Variants in DLC1 observed in about 807,000 individuals in gnomAD.
DLC1 encodes DLC1 Rho GTPase activating protein, also known as rho GTPase-activating protein 7.
A neutral mutation model predicts 140.3 loss-of-function variants in DLC1; 54 were observed. The observed-to-expected ratio is 0.38, with a 90% CI of 0.31 to 0.48. DLC1 has a LOEUF of 0.48. Among genes scored for constraint, DLC1 ranks in the 20% least tolerant of loss-of-function variants. The pLI is 0.96. For synonymous variants in DLC1, 986 were observed against 728.1 expected (o/e 1.35, Z -5.70); for missense variants, 2,536 against 1,907.0 (o/e 1.33, Z -6.14).
At chr8:13,580,961 A>G (rs1255270789) in intron 1 of DLC1, among the ~76,000 whole-genome samples, 1 of 152,202 alleles carries the variant, frequency 6.6e-6, no homozygotes, top group African/African-American at 2.4e-5. Flanking sequence ...GCTTCCCACC[A>G]GTACTGAACT....
intron 4 of DLC1, among the ~76,000 whole-genome samples, chr8:13,357,011 G>A (rs1834972122): frequency 6.6e-6 from 1 of 151,900 alleles, no homozygotes; most frequent in South Asian, 2.1e-4. Flanking sequence ...ATTCACGCCT[G>A]TAATCCCAAC....
intron 5 of DLC1, among the ~76,000 whole-genome samples, chr8:13,164,296 C>CA (rs34355120): frequency 0.55 from 81,618 of 147,734 alleles, 22,906 homozygotes; most frequent in East Asian, 0.82. Flanking sequence ...AGACTTCTCT[C>CA]AAAAAAAAAA....
chr8:13,526,652 C>T (rs759328163), intron 1 of DLC1, among the ~76,000 whole-genome samples: 4 of 152,074 alleles, frequency 2.6e-5, no homozygotes, highest in Non-Finnish European at 5.9e-5. Context: ...AAACATCATT[C>T]TGAGCAAACT....
chr8:13,394,007 C>T (rs1284678313), intron 3 of DLC1, among the ~76,000 whole-genome samples: 1 of 142,452 alleles, frequency 7.0e-6, no homozygotes, highest in Admixed American at 7.2e-5. Flanking sequence ...AAGGCAGAAG[C>T]CCACAGCCAC....
At chr8:13,198,327 A>G (rs1412314952) in intron 5 of DLC1, among the ~76,000 whole-genome samples, 1 of 152,152 alleles carries the variant, frequency 6.6e-6, no homozygotes, top group African/African-American at 2.4e-5. Context: ...TTTGTTTTGA[A>G]TTGGTACCAT....
rs76939408 is a variant in DLC1 at position 13,434,969 on chromosome 8, C to G, written c.1024-33350G>C. 4.3e-3 allele frequency among the ~76,000 whole-genome samples: 660 copies of G among 152,058 alleles called. 2 individuals are homozygous for G. Among genetic ancestry groups the G allele is most frequent in the African/African-American group, 0.015 (628 of 41,464 alleles). On this transcript the variant is annotated intron_variant, in intron 2 of 17. Transcript: ENST00000276297. Reference sequence around the variant, plus strand: ...TGCTGGGATTACAGGCGTGACCCCCCCCGGCTCACCCTCAAGCCTTATTAT... The same window carrying G: ...TGCTGGGATTACAGGCGTGACCCCCGCCGGCTCACCCTCAAGCCTTATTAT...
intron 2 of DLC1, among the ~76,000 whole-genome samples, chr8:13,428,280 T>C (rs1838690114): frequency 2.0e-5 from 3 of 151,748 alleles, no homozygotes; most frequent in African/African-American, 4.9e-5. Flanking sequence ...CAAGCATACA[T>C]GTGGGTTTAT....
intron 5 of DLC1, among the ~76,000 whole-genome samples, chr8:13,176,754 T>C (rs1825781522): frequency 1.3e-5 from 2 of 152,178 alleles, no homozygotes; most frequent in South Asian, 4.1e-4. Context: ...GCAGATAGAA[T>C]TAAATTTGCT....
At chr8:13,164,407 C>T (rs1476360662) in intron 5 of DLC1, among the ~76,000 whole-genome samples, 1 of 151,962 alleles carries the variant, frequency 6.6e-6, no homozygotes, top group South Asian at 2.1e-4. Context: ...ACAAAAAAAC[C>T]CAAGGTAGTG....
chr8:13,565,442 C>T (rs759765987), intron 1 of DLC1, among the ~76,000 whole-genome samples: 2 of 152,036 alleles, frequency 1.3e-5, no homozygotes, highest in Non-Finnish European at 2.9e-5. Context: ...AAATATTGAG[C>T]CCTATTGGAA....
At chr8:13,471,679 T>C (rs1020089378) in intron 2 of DLC1, among the ~76,000 whole-genome samples, 1 of 150,446 alleles carries the variant, frequency 6.6e-6, no homozygotes, top group Non-Finnish European at 1.5e-5. Context: ...ACCCCTGAAC[T>C]TAAAATAAAA....
intron 5 of DLC1, among the ~76,000 whole-genome samples, chr8:13,293,929 T>C (rs1170580246): frequency 1.3e-5 from 2 of 152,196 alleles, no homozygotes; most frequent in Non-Finnish European, 2.9e-5. Context: ...AATTAGAAAA[T>C]AATATAGTTC....
chr8:13,177,101 T>A lies in DLC1; in HGVS notation c.1349-61444A>T, dbSNP rs1483083225. 2.0e-5 allele frequency among the ~76,000 whole-genome samples: 3 copies of A among 152,174 alleles called. No homozygotes were observed. The East Asian group carries it at 5.8e-4, about 29-fold the overall frequency. On this transcript the variant is annotated intron_variant, in intron 5 of 17. Transcript: ENST00000276297. ...TTACATTTCTTAACTCTCCCATAAT[T>A]TTTAAAATTTTAATTGTTTATAGTT...
intron 2 of DLC1, among the ~76,000 whole-genome samples, chr8:13,423,569 G>A (rs992653504): frequency 6.6e-6 from 1 of 152,062 alleles, no homozygotes; most frequent in Admixed American, 6.5e-5. Context: ...AGTATCTTCA[G>A]TACTAAGGAG....
intron 5 of DLC1, among the ~76,000 whole-genome samples, chr8:13,230,812 G>C (rs567719313): frequency 2.6e-5 from 4 of 152,082 alleles, no homozygotes; most frequent in East Asian, 3.9e-4. Context: ...GGCCAGGCTG[G>C]TCTCGAACTC....
At chr8:13,482,761 C>G (rs2117124885) in intron 2 of DLC1, among the ~76,000 whole-genome samples, 1 of 152,244 alleles carries the variant, frequency 6.6e-6, no homozygotes, top group South Asian at 2.1e-4. Flanking sequence ...TAAGATCATG[C>G]TTGAAGTGCC....
chr8:13,465,480 T>G (rs1342591547), intron 2 of DLC1, among the ~76,000 whole-genome samples: 1 of 152,204 alleles, frequency 6.6e-6, no homozygotes, highest in African/African-American at 2.4e-5. Context: ...AATTTGCATT[T>G]CTCTGATTTC....
chr8:13,187,445 G>T (rs143160327), intron 5 of DLC1, among the ~76,000 whole-genome samples: 37 of 152,256 alleles, frequency 2.4e-4, no homozygotes, highest in Admixed American at 6.5e-4. Flanking sequence ...CTGATCTTCA[G>T]ATTTTAGTAT....
At chr8:13,468,325 TTCCCTTCCCCCCATTCCCCTCCCC>T in intron 2 of DLC1, among the ~76,000 whole-genome samples, 1 of 111,622 alleles carries the variant, frequency 9.0e-6, no homozygotes, top group Non-Finnish European at 2.1e-5. Context: ...TTCTCTCTCT[TTCCCTTCCCCCCATTCCCCTCCCC>T]TCCCCTCCCC....
Sources: allele counts gnomAD v4.1 joint callset (sites outside exome capture counted in the v4.1 genomes callset), GRCh38; gene constraint gnomAD v4.1.1; transcripts MANE v1.5; gene names NCBI Gene and HGNC (gene_info 2026-07-23, HGNC 2026-07-21).